Variants in KPNA5 observed in about 807,000 individuals in gnomAD.
KPNA5 encodes the protein karyopherin subunit alpha 5.
KPNA5 carries 46 observed loss-of-function variants against 71.3 expected under a neutral mutation model. That is an observed-to-expected ratio of 0.65 (90% confidence interval 0.51 to 0.83). The LOEUF (loss-of-function observed/expected upper bound fraction) is 0.83. KPNA5 is among the 40% of genes least tolerant of loss of function. The probability of loss-of-function intolerance (pLI) is 0.00; values close to 1 mark genes in which losing one functional copy is unlikely to be tolerated. For missense variants in KPNA5, 547 were observed against 628.3 expected (o/e 0.87, Z 1.38); for synonymous variants, 207 against 201.4 (o/e 1.03, Z -0.24).
At chr6:116,716,949 A>G (rs1202740600) in intron 8 of KPNA5, among the ~76,000 whole-genome samples, 3 of 152,132 alleles carry the variant, frequency 2.0e-5, no homozygotes, top group Admixed American at 6.6e-5. Context: ...AAGGTAATGC[A>G]TGAACTAGTA....
At chr6:116,686,848 G>A (rs1777608276) in intron 1 of KPNA5, among the ~76,000 whole-genome samples, 1 of 152,132 alleles carries the variant, frequency 6.6e-6, no homozygotes, top group Admixed American at 6.5e-5. Flanking sequence ...GGTTGTAGGT[G>A]TGTGGCCTTA....
At chr6:116,704,447 A>G (rs1778356307) in intron 6 of KPNA5, among the ~76,000 whole-genome samples, 1 of 152,246 alleles carries the variant, frequency 6.6e-6, no homozygotes, top group African/African-American at 2.4e-5. Flanking sequence ...TCTTATGTGC[A>G]GTCTGTCATC....
rs1412272387 is a variant in KPNA5 at position 116,737,837 on chromosome 6, GTTATAGTGATTATAGTCTTT to G, written c.*5518_*5537del. 5 of 151,862 alleles carry G rather than the reference GTTATAGTGATTATAGTCTTT, an allele frequency of 3.3e-5. No individual in the cohort carries two copies. The highest frequency in any genetic ancestry group is 1.2e-4 in the African/African-American group (5 of 41,386). 9.4% of individuals were successfully genotyped at this position (151,862 alleles called of 1,614,324 possible). On this transcript the variant is annotated 3_prime_UTR_variant, in exon 14 of 14. Coordinates refer to ENST00000368564, the MANE Select transcript of KPNA5 (RefSeq NM_001366306.2). ...GTCTCAATCACTTTCGCTGAATTCAGTTATAGTGATTATAGTCTTTTTACTTATTTCCTTAGTTTTTGCTC... is the reference window on the plus strand; with the variant it reads ...GTCTCAATCACTTTCGCTGAATTCAGTTACTTATTTCCTTAGTTTTTGCTC...
rs527243267 is a variant in KPNA5, at chr6:116,741,261, T to C, written c.*8938T>C. ...GGTGTGTTAAAATCTCCCAAGATGATTGGTGGATTTTGAATTTTCCATATA... is the reference window on the plus strand; with the variant it reads ...GGTGTGTTAAAATCTCCCAAGATGACTGGTGGATTTTGAATTTTCCATATA... On this transcript the variant is annotated 3_prime_UTR_variant, in exon 14 of 14. Coordinates refer to ENST00000368564, the MANE Select transcript of KPNA5 (RefSeq NM_001366306.2). The C allele has an allele frequency of 7.9e-5, 12 of 152,270 alleles. No homozygotes were observed. In the East Asian group the frequency reaches 2.1e-3, roughly 27 times the overall value. The allele number at this position is 152,270 out of a possible 1,614,324, so 9.4% of individuals were successfully genotyped here.
intron 10 of KPNA5, 51 bp downstream of exon 10, chr6:116,724,426 A>T: frequency 7.9e-7 from 1 of 1,263,874 alleles, no homozygotes; most frequent in Non-Finnish European, 1.1e-6. Context: ...GACTTTAAAA[A>T]ATTTATGTTT....
At chr6:116,698,682 T>A in intron 4 of KPNA5, 22 bp from the exon 5 acceptor site, 3 of 1,365,176 alleles carry the variant, frequency 2.2e-6, no homozygotes, top group Non-Finnish European at 3.1e-6. Flanking sequence ...TTGTAATAAC[T>A]GAAGTCTTTT....
At chr6:116,723,739 A>G (rs1293562178) in intron 9 of KPNA5, among the ~76,000 whole-genome samples, 1 of 152,228 alleles carries the variant, frequency 6.6e-6, no homozygotes, top group Non-Finnish European at 1.5e-5. Context: ...ACTTCAGATA[A>G]TAAGCATCAA....
Position 116,732,419 on chromosome 6 carries a change from C to A in KPNA5, c.*96C>A. ...AGAATGTTTGTTTTTTTACATAGAACAGTAAAGAGAATTTGATGCACTTTT... is the reference window on the plus strand; with the variant it reads ...AGAATGTTTGTTTTTTTACATAGAAAAGTAAAGAGAATTTGATGCACTTTT... On this transcript the variant is annotated 3_prime_UTR_variant, in exon 14 of 14. Coordinates refer to ENST00000368564, the MANE Select transcript of KPNA5 (RefSeq NM_001366306.2). The A allele has an allele frequency of 3.3e-6, 2 of 605,386 alleles. No homozygotes were observed. The highest frequency in any genetic ancestry group is 3.6e-5 in the East Asian group (1 of 28,058). 37.5% of individuals were successfully genotyped at this position (605,386 alleles called of 1,614,324 possible).
chr6:116,728,250 C>T (rs185249978), intron 12 of KPNA5, among the ~76,000 whole-genome samples: 1 of 151,966 alleles, frequency 6.6e-6, no homozygotes, highest in Admixed American at 6.5e-5. Flanking sequence ...CAAGTTTGTT[C>T]ACCTGCAAAT....
chr6:116,717,369 T>A (rs919335402), intron 8 of KPNA5, among the ~76,000 whole-genome samples: 3 of 152,208 alleles, frequency 2.0e-5, no homozygotes, highest in African/African-American at 7.2e-5. Context: ...AGTCTCCTTG[T>A]AGGTAGCTAC....
At chr6:116,725,251 A>G (rs1327325511) in intron 10 of KPNA5, among the ~76,000 whole-genome samples, 1 of 152,194 alleles carries the variant, frequency 6.6e-6, no homozygotes, top group Non-Finnish European at 1.5e-5. Context: ...TAATCTTGCA[A>G]TGGAATAAAG....
rs928365768 is a variant in KPNA5 at position 116,722,058 on chromosome 6, A to G, written c.757-68A>G. 47 of 1,222,864 alleles carry G rather than the reference A, an allele frequency of 3.8e-5. No individual in the cohort carries two copies. In the Admixed American group the frequency reaches 4.4e-4, roughly 11 times the overall value. 75.8% of individuals were successfully genotyped at this position (1,222,864 alleles called of 1,614,324 possible). A position where few individuals can be genotyped will look rare whatever the true frequency, so the allele number is the denominator to read the frequency against. On this transcript the variant is annotated intron_variant, in intron 8 of 13. Coordinates refer to ENST00000368564, the MANE Select transcript of KPNA5 (RefSeq NM_001366306.2). ...AATTTTTGTTTTAAAATGAATTTCT[A>G]TATTTTTCTAAGGAAACTTGGTTTT...
chr6:116,718,183 CCTT>C (rs1256322157), intron 8 of KPNA5, among the ~76,000 whole-genome samples: 3 of 152,004 alleles, frequency 2.0e-5, no homozygotes, highest in Non-Finnish European at 2.9e-5. Flanking sequence ...GTATACCTGA[CCTT>C]CTTCATTTTT....
chr6:116,683,779 A>G (rs1777455481), intron 1 of KPNA5, among the ~76,000 whole-genome samples: 1 of 150,184 alleles, frequency 6.7e-6, no homozygotes, highest in African/African-American at 2.4e-5. Context: ...TTGTATTTTT[A>G]ATAGAGATGG....
At position 116,686,947 on chromosome 6, in the gene KPNA5, T is replaced by A. The variant is rs549740935; in HGVS notation, c.5-2373T>A. Among the ~76,000 whole-genome samples, 3 of 152,366 alleles carry A rather than the reference T, an allele frequency of 2.0e-5. 1 individual carries two copies. In the South Asian group the frequency reaches 6.2e-4, roughly 32 times the overall value. ...GGTTACTGTAGCCCTGTAGTACAGATTGAAGTCAGGTAATATGATGCCTCC... is the reference window on the plus strand; with the variant it reads ...GGTTACTGTAGCCCTGTAGTACAGAATGAAGTCAGGTAATATGATGCCTCC... On this transcript the variant is annotated intron_variant, in intron 1 of 13. Transcript: ENST00000368564.
intron 8 of KPNA5, among the ~76,000 whole-genome samples, chr6:116,721,496 G>A (rs1407150068): frequency 6.6e-6 from 1 of 151,860 alleles, no homozygotes; most frequent in Admixed American, 6.6e-5. Context: ...GGATATGTTA[G>A]GTTGCTTATT....
chr6:116,708,926 C>T (rs567419810), intron 7 of KPNA5, among the ~76,000 whole-genome samples: 1 of 152,250 alleles, frequency 6.6e-6, no homozygotes, highest in East Asian at 1.9e-4. Flanking sequence ...GCTGGGATTA[C>T]AGTCGTGTAC....
At chr6:116,728,950 A>G (rs527875495) in intron 12 of KPNA5, among the ~76,000 whole-genome samples, 1 of 152,170 alleles carries the variant, frequency 6.6e-6, no homozygotes, top group Non-Finnish European at 1.5e-5. Context: ...AAGGACATGC[A>G]TTCAGAAATT....
intron 7 of KPNA5, among the ~76,000 whole-genome samples, chr6:116,705,481 C>G (rs1191890394): frequency 1.3e-5 from 2 of 152,036 alleles, no homozygotes; most frequent in African/African-American, 4.8e-5. Flanking sequence ...ATCCTTAATA[C>G]TTGAACAGAC....
Sources: gnomAD v4.1 joint callset for allele counts (sites outside exome capture counted in the v4.1 genomes callset) on GRCh38, gnomAD v4.1.1 for gene constraint, MANE v1.5 for transcripts, NCBI Gene and HGNC (gene_info 2026-07-23, HGNC 2026-07-21) for gene names.